Variants in MED15 observed in about 807,000 individuals in gnomAD.
MED15 encodes the protein mediator of RNA polymerase II transcription subunit 15.
MED15 carries 41 observed loss-of-function variants against 118.7 expected under a neutral mutation model. The ratio of observed to expected loss-of-function variants is 0.35; its 90% CI spans 0.27 to 0.45. The LOEUF is 0.45. MED15 is among the 20% of genes least tolerant of loss of function. The pLI, the probability that MED15 is intolerant of heterozygous loss-of-function variation, is 1.00. For synonymous variants in MED15, 436 were observed against 413.9 expected, an observed-to-expected ratio of 1.05 and a Z score of -0.65; for missense variants, 740 against 1,025.5, an observed-to-expected ratio of 0.72 and a Z score of 3.80.
chr22:20,523,942 G>T (rs895967677), intron 1 of MED15: 3 of 698,620 alleles, frequency 4.3e-6, no homozygotes, highest in Non-Finnish European at 5.3e-6. Flanking sequence ...GCCCAGAGGG[G>T]TGTACAGTGT....
At chr22:20,573,202 AAG>A (rs1385431572) in intron 8 of MED15, among the ~76,000 whole-genome samples, 1 of 152,164 alleles carries the variant, frequency 6.6e-6, no homozygotes. Flanking sequence ...TCCTCGCCTT[AAG>A]AGATGTGCCC....
Position 20,582,683 on chromosome 22 carries a change from C to T in MED15, c.1345C>T (p.Pro449Ser). The change falls in exon 10 of 18, where the codon CCC becomes TCC. Residue 449 changes from proline (P) to serine (S), a missense_variant. This residue lies in a region of MED15 where 384 missense variants were observed against 506.3 expected (regional missense o/e 0.76). Coordinates refer to ENST00000263205, the MANE Select transcript of MED15 (RefSeq NM_001003891.3). ...GQQVQTPQSM[P>S]PPPQPSPQPG... ...GCAGGTGCAGACCCCGCAGTCGATG[C>T]CCCCTCCCCCCCAGCCGTCCCCGCA... 6.3e-7 allele frequency: 1 copy of T among 1,594,396 alleles called. No individual in the cohort carries two copies.
Position 20,578,403 on chromosome 22 carries a change from T to A in MED15, c.1272+3171T>A, listed in dbSNP as rs1193888113. On this transcript the variant is annotated intron_variant, in intron 9 of 17. Coordinates refer to ENST00000263205, the MANE Select transcript of MED15 (RefSeq NM_001003891.3). ...TCCTGGCCTTCCCCGCAGAGGGCCC[T>A]CCCCAGCTCAGCCCTCTACGTCCGG... 1.3e-5 allele frequency among the ~76,000 whole-genome samples: 2 copies of A among 152,140 alleles called. 1 individual carries two copies. Among genetic ancestry groups the A allele is most frequent in the Non-Finnish European group, 2.9e-5 (2 of 68,006 alleles).
intron 5 of MED15, among the ~76,000 whole-genome samples, chr22:20,562,546 G>A (rs1370824801): frequency 1.3e-5 from 2 of 151,794 alleles, no homozygotes; most frequent in South Asian, 2.1e-4. Flanking sequence ...CACCATGCCC[G>A]CTAATTTTTG....
At chr22:20,525,853 A>C (rs982633407) in intron 1 of MED15, among the ~76,000 whole-genome samples, 2 of 151,556 alleles carry the variant, frequency 1.3e-5, no homozygotes, top group Non-Finnish European at 2.9e-5. Flanking sequence ...CCTTCTTAAT[A>C]GCTATTGTTC....
intron 5 of MED15, among the ~76,000 whole-genome samples, chr22:20,562,558 A>G (rs1338290431): frequency 6.6e-6 from 1 of 151,866 alleles, no homozygotes; most frequent in African/African-American, 2.4e-5. Flanking sequence ...TAATTTTTGT[A>G]TTTTTAGTAG....
intron 2 of MED15, among the ~76,000 whole-genome samples, chr22:20,548,716 C>G (rs1216216378): frequency 3.3e-5 from 5 of 152,222 alleles, no homozygotes; most frequent in Admixed American, 6.5e-5. Flanking sequence ...GCACGTGTTT[C>G]TATCCTTTCT....
At chr22:20,547,267 T>A (rs1012392371) in intron 2 of MED15, among the ~76,000 whole-genome samples, 1 of 152,210 alleles carries the variant, frequency 6.6e-6, no homozygotes, top group Non-Finnish European at 1.5e-5. Context: ...TTTTGTTTCA[T>A]TTTTTTAAAA....
intron 3 of MED15, chr22:20,552,701 C>T: frequency 3.2e-6 from 1 of 309,606 alleles, no homozygotes; most frequent in South Asian, 2.6e-5. Flanking sequence ...CCTCAGTTTC[C>T]TCATCTAGGT....
intron 1 of MED15, among the ~76,000 whole-genome samples, chr22:20,518,220 C>T (rs11090191): frequency 0.02 from 3,012 of 150,950 alleles, 113 homozygotes; most frequent in African/African-American, 0.07. Flanking sequence ...GATGGAGTCT[C>T]GCCCTGTCGC....
chr22:20,578,862 T>C (rs2056896656), intron 9 of MED15, among the ~76,000 whole-genome samples: 1 of 152,224 alleles, frequency 6.6e-6, no homozygotes, highest in Admixed American at 6.5e-5. Context: ...AGAGGGAATG[T>C]ACGTGCCCCA....
At chr22:20,566,963 C>G (rs2056466076) in intron 7 of MED15, 146 bp downstream of exon 7, 12 of 1,420,406 alleles carry the variant, frequency 8.4e-6, no homozygotes, top group Non-Finnish European at 1.1e-5. Context: ...GCCCTGCCGA[C>G]TCTAGCATGG....
At chr22:20,569,691 G>A (rs1236745889) in intron 8 of MED15, among the ~76,000 whole-genome samples, 2 of 152,174 alleles carry the variant, frequency 1.3e-5, no homozygotes, top group African/African-American at 2.4e-5. Context: ...TACCTTGGCA[G>A]GGCACCAAAT....
intron 1 of MED15, among the ~76,000 whole-genome samples, chr22:20,512,453 C>G (rs79344785): frequency 1.3e-5 from 2 of 151,956 alleles, no homozygotes; most frequent in Non-Finnish European, 2.9e-5. Context: ...AGTTGGTCAC[C>G]GCCTCTGATA....
intron 5 of MED15, among the ~76,000 whole-genome samples, chr22:20,560,879 C>A (rs1385127034): frequency 1.3e-5 from 2 of 152,102 alleles, no homozygotes; most frequent in African/African-American, 4.8e-5. Context: ...TCAAATCCAT[C>A]CAGCCTCTTA....
intron 2 of MED15, chr22:20,551,231 C>T: frequency 2.8e-6 from 2 of 707,002 alleles, no homozygotes; most frequent in South Asian, 2.9e-5. Flanking sequence ...CTTCTTGTTT[C>T]TTTGTGCCTG....
chr22:20,532,769 C>T (rs2054910383), intron 1 of MED15, among the ~76,000 whole-genome samples: 1 of 152,190 alleles, frequency 6.6e-6, no homozygotes, highest in Non-Finnish European at 1.5e-5. Flanking sequence ...TTATGTTGGA[C>T]AGGACTGTGG....
chr22:20,547,883 C>G (rs1039313071), intron 2 of MED15, among the ~76,000 whole-genome samples: 2 of 152,066 alleles, frequency 1.3e-5, no homozygotes, highest in Non-Finnish European at 2.9e-5. Flanking sequence ...CATGTAGTCC[C>G]AGCTGCTCAG....
chr22:20,539,407 G>C (rs2055204437), intron 2 of MED15, among the ~76,000 whole-genome samples: 1 of 152,194 alleles, frequency 6.6e-6, no homozygotes, highest in African/African-American at 2.4e-5. Context: ...CACCGTGCCT[G>C]GCCAACTTTA....
Sources: allele counts gnomAD v4.1 joint callset (sites outside exome capture counted in the v4.1 genomes callset), GRCh38; gene constraint gnomAD v4.1.1; regional missense constraint gnomAD v4.1.1; transcripts MANE v1.5; gene names NCBI Gene and HGNC (gene_info 2026-07-23, HGNC 2026-07-21).